DCC: variants seen among roughly 807,000 people sequenced by gnomAD.
DCC encodes DCC netrin 1 receptor, also known as netrin receptor DCC.
A neutral mutation model predicts 172.5 loss-of-function variants in DCC; 58 were observed. That is an observed-to-expected ratio of 0.34 (90% CI 0.27 to 0.42). The LOEUF (loss-of-function observed/expected upper bound fraction) is 0.42. DCC is among the 10% of genes least tolerant of loss of function. The probability of loss-of-function intolerance (pLI) is 1.00; values close to 1 mark genes in which losing one functional copy is unlikely to be tolerated. For synonymous variants in DCC, 709 were observed against 644.5 expected (o/e 1.10, Z -1.52); for missense variants, 1,740 against 1,791.0 (o/e 0.97, Z 0.51).
chr18:52,656,543 AC>A (rs147677891), intron 1 of DCC, among the ~76,000 whole-genome samples: 25,889 of 152,116 alleles, frequency 0.17, 2,223 homozygotes, highest in Non-Finnish European at 0.19. Flanking sequence ...ATTGCATTCT[AC>A]TTACATGTTG....
intron 5 of DCC, among the ~76,000 whole-genome samples, chr18:53,036,912 G>T (rs536681521): frequency 6.6e-6 from 1 of 152,074 alleles, no homozygotes; most frequent in Admixed American, 6.6e-5. Context: ...CCCTTAGAAA[G>T]ATAAAGATTA....
At chr18:53,045,394 T>G (rs914146595) in intron 5 of DCC, among the ~76,000 whole-genome samples, 1 of 151,818 alleles carries the variant, frequency 6.6e-6, no homozygotes, top group African/African-American at 2.4e-5. Context: ...GAGGAAGAAG[T>G]GTTTCCTTGA....
chr18:52,850,252 G>A (rs966577584), intron 2 of DCC, among the ~76,000 whole-genome samples: 11 of 152,234 alleles, frequency 7.2e-5, no homozygotes, highest in Admixed American at 2.6e-4. Context: ...CCAGTTCTTC[G>A]GAAGTAAAGT....
intron 15 of DCC, among the ~76,000 whole-genome samples, chr18:53,354,095 C>A (rs9953404): frequency 6.6e-6 from 1 of 152,134 alleles, no homozygotes; most frequent in Non-Finnish European, 1.5e-5. Flanking sequence ...CATGAACTCA[C>A]CCTTTTTTAT....
intron 15 of DCC, among the ~76,000 whole-genome samples, chr18:53,344,309 G>A (rs2057696459): frequency 6.6e-6 from 1 of 151,812 alleles, no homozygotes; most frequent in South Asian, 2.1e-4. Context: ...TTAGTTCAAA[G>A]CATTTCCTAA....
chr18:52,905,888 A>C (rs1398739610), intron 2 of DCC, among the ~76,000 whole-genome samples, 156 bp from the exon 3 acceptor site: 1 of 152,234 alleles, frequency 6.6e-6, no homozygotes, highest in African/African-American at 2.4e-5. Flanking sequence ...TGCCAGACAG[A>C]AAATGTGGTA....
At chr18:53,079,618 C>T (rs550252522) in intron 7 of DCC, among the ~76,000 whole-genome samples, 2 of 152,136 alleles carry the variant, frequency 1.3e-5, no homozygotes, top group South Asian at 4.1e-4. Context: ...TATTTTGAAT[C>T]CCAGGAATAT....
chr18:52,824,114 C>T (rs1045797984), intron 2 of DCC, among the ~76,000 whole-genome samples: 5 of 152,184 alleles, frequency 3.3e-5, no homozygotes, highest in Non-Finnish European at 5.9e-5. Flanking sequence ...CCCTGGTTGA[C>T]TTGATTTATT....
intron 1 of DCC, among the ~76,000 whole-genome samples, chr18:52,669,572 A>G (rs1294182293): frequency 6.6e-6 from 1 of 152,220 alleles, no homozygotes; most frequent in African/African-American, 2.4e-5. Flanking sequence ...TAATTTTGCA[A>G]AGGCGGTTTC....
At chr18:53,487,914 C>A (rs1454280222) in intron 26 of DCC, among the ~76,000 whole-genome samples, 1 of 152,008 alleles carries the variant, frequency 6.6e-6, no homozygotes, top group Non-Finnish European at 1.5e-5. Flanking sequence ...AGTCTAATAA[C>A]CAAAATTTTC....
chr18:52,794,466 G>A (rs75626166), intron 2 of DCC, among the ~76,000 whole-genome samples: 4,583 of 151,994 alleles, frequency 0.03, 247 homozygotes, highest in African/African-American at 0.1. Context: ...TTGGTATATA[G>A]GAGTGCTGCT....
intron 15 of DCC, among the ~76,000 whole-genome samples, chr18:53,360,671 G>A (rs919573505): frequency 5.9e-5 from 9 of 152,108 alleles, no homozygotes; most frequent in Non-Finnish European, 1.2e-4. Flanking sequence ...CTACAATAAA[G>A]CAGGCCTTTA....
intron 1 of DCC, among the ~76,000 whole-genome samples, chr18:52,660,593 A>C (rs1194627738): frequency 2.0e-5 from 3 of 152,116 alleles, no homozygotes. Context: ...TCACAAACTA[A>C]AGGAGAAAAA....
At chr18:52,527,680 C>T (rs1245218938) in intron 1 of DCC, among the ~76,000 whole-genome samples, 1 of 152,186 alleles carries the variant, frequency 6.6e-6, no homozygotes, top group Non-Finnish European at 1.5e-5. Flanking sequence ...CACAAACTAT[C>T]ACTATTTTAT....
intron 1 of DCC, among the ~76,000 whole-genome samples, chr18:52,564,822 C>G (rs1046692356): frequency 2.6e-5 from 4 of 151,976 alleles, no homozygotes; most frequent in African/African-American, 9.7e-5. Context: ...AGGAGGAGCT[C>G]TTTGTAGTCT....
chr18:52,603,533 G>C (rs1177034330), intron 1 of DCC, among the ~76,000 whole-genome samples: 4 of 150,510 alleles, frequency 2.7e-5, no homozygotes, highest in Non-Finnish European at 5.9e-5. Flanking sequence ...AACTTAAAAA[G>C]TTGAGATTAT....
At chr18:52,529,741 T>A (rs190398157) in intron 1 of DCC, among the ~76,000 whole-genome samples, 107 of 152,316 alleles carry the variant, frequency 7.0e-4, no homozygotes, top group African/African-American at 2.4e-3. Context: ...TTATCCTTGA[T>A]CATATAAGTC....
rs1212709062 is a variant in DCC at position 53,382,872 on chromosome 18, C to T, written c.2360-3171C>T. On this transcript the variant is annotated intron_variant, in intron 15 of 28. Coordinates refer to ENST00000442544, the MANE Select transcript of DCC (RefSeq NM_005215.4). The stretch of plus-strand genomic sequence containing the variant: ...TGGTTTAGAGTCTCAATATCTTTAA[C>T]ATTAATACTTAGGTCACATACAAAT... Among the ~76,000 whole-genome samples, 6 of 152,188 alleles carry T rather than the reference C, an allele frequency of 3.9e-5. No homozygotes were observed. The East Asian group carries it at 7.7e-4, about 20-fold the overall frequency.
intron 1 of DCC, among the ~76,000 whole-genome samples, chr18:52,459,628 C>T (rs562766006): frequency 1.7e-4 from 26 of 151,982 alleles, no homozygotes; most frequent in East Asian, 1.6e-3. Flanking sequence ...CCACCACGCC[C>T]GGCTAATTTT....
Sources: gnomAD v4.1 joint callset for allele counts (sites outside exome capture counted in the v4.1 genomes callset) on GRCh38, gnomAD v4.1.1 for gene constraint, MANE v1.5 for transcripts, NCBI Gene and HGNC (gene_info 2026-07-23, HGNC 2026-07-21) for gene names.